The following ARRDC1 variants were observed in gnomAD, a reference collection of about 807,000 sequenced individuals.
ARRDC1 encodes the protein arrestin domain containing 1.
In ARRDC1, 37 loss-of-function variants were observed where a neutral mutation model predicts 40.1. The ratio of observed to expected loss-of-function variants is 0.92; its 90% confidence interval spans 0.71 to 1.21. The LOEUF is 1.21. Ranked by LOEUF, ARRDC1 falls within the 50% of genes most tolerant of loss-of-function variation. The pLI, the probability that ARRDC1 is intolerant of heterozygous loss-of-function variation, is 0.00. For missense variants in ARRDC1, 641 were observed against 581.9 expected (o/e 1.10, Z -1.04); for synonymous variants, 310 against 262.5 (o/e 1.18, Z -1.75).
At chr9:137,613,119 G>A (rs1241273992) in intron 2 of ARRDC1, 113 bp downstream of exon 2, 1 of 903,968 alleles carries the variant, frequency 1.1e-6, no homozygotes, top group South Asian at 1.4e-5. Context: ...TCTGGCACTG[G>A]CCCATCTTGT....
chr9:137,613,537 G>T (rs1216786241), intron 3 of ARRDC1, 27 bp downstream of exon 3: 1 of 1,613,860 alleles, frequency 6.2e-7, no homozygotes, highest in East Asian at 2.2e-5. Flanking sequence ...GACAGGCCTG[G>T]TGATGACCAA....
chr9:137,608,209 C>T (rs1842456609), intron 1 of ARRDC1, among the ~76,000 whole-genome samples: 1 of 152,186 alleles, frequency 6.6e-6, no homozygotes, highest in Non-Finnish European at 1.5e-5. Context: ...TCTGGATCTC[C>T]TGACCTCGTG....
chr9:137,613,007 G>C lies in ARRDC1; in HGVS notation c.229+1G>C. The C allele has an allele frequency of 1.2e-6, 2 of 1,612,022 alleles. No homozygotes were observed. Among genetic ancestry groups the C allele is most frequent in the Non-Finnish European group, 1.7e-6 (2 of 1,178,422 alleles). ...AGTTCCCTGTCGCTGGCAGACAAGG[G>C]TAAGTTTGGGAGCCAGTTCCCGAGT... On this transcript the variant is annotated splice_donor_variant, in intron 2 of 7. Transcript: ENST00000371421. LOFTEE classifies it high-confidence loss of function.
intron 1 of ARRDC1, among the ~76,000 whole-genome samples, chr9:137,610,029 TGATCTC>T (rs959913842): frequency 6.6e-6 from 1 of 151,796 alleles, no homozygotes; most frequent in Non-Finnish European, 1.5e-5. Context: ...TCAGCCAGGA[TGATCTC>T]GATCTCCTGA....
chr9:137,607,230 G>C (rs535592846), intron 1 of ARRDC1, among the ~76,000 whole-genome samples: 1 of 152,348 alleles, frequency 6.6e-6, no homozygotes, highest in African/African-American at 2.4e-5. Context: ...CGGGGCCCCC[G>C]GGGGTTTCCC....
At chr9:137,606,942 A>G (rs1241354973) in intron 1 of ARRDC1, among the ~76,000 whole-genome samples, 2 of 152,076 alleles carry the variant, frequency 1.3e-5, no homozygotes, top group African/African-American at 4.8e-5. Context: ...TACCACAGGG[A>G]AGGGACGGCC....
At chr9:137,610,093 C>T (rs1215268711) in intron 1 of ARRDC1, among the ~76,000 whole-genome samples, 1 of 151,650 alleles carries the variant, frequency 6.6e-6, no homozygotes, top group East Asian at 1.9e-4. Context: ...GGATTACAGG[C>T]TGAGCCACTG....
At position 137,613,471 on chromosome 9, in the gene ARRDC1, G is replaced by A. The variant is rs758383734; in HGVS notation, c.241G>A (p.Ala81Thr). 5 of 1,612,316 alleles carry A rather than the reference G, an allele frequency of 3.1e-6. No homozygotes were observed. Among genetic ancestry groups the A allele is most frequent in the Non-Finnish European group, 4.2e-6 (5 of 1,179,778 alleles). Residue 81 changes from alanine (A) to threonine (T), a missense_variant, in exon 3 of 8, where the codon GCT (alanine) becomes ACT (threonine). Transcript: ENST00000371421. ...LSLADKGSLP[A>T]GEHSFPFQFL... Reference sequence around the variant, plus strand: ...TCCTGTCTCTGCAGGGAGCCTGCCCGCTGGAGAGCACAGCTTCCCCTTCCA... The same window carrying A: ...TCCTGTCTCTGCAGGGAGCCTGCCCACTGGAGAGCACAGCTTCCCCTTCCA...
Position 137,614,574 on chromosome 9 carries a change from C to T in ARRDC1, c.811C>T (p.Pro271Ser), listed in dbSNP as rs762468635. The change falls in exon 7 of 8, where the codon CCG becomes TCG. Residue 271 changes from proline to serine, a missense_variant. Pro to Ser is a moderately conservative substitution (Grantham distance 74). Transcript: ENST00000371421. The stretch of plus-strand genomic sequence containing the variant: ...TCCTGTCCAGGTCTCTCTGAAGGCG[C>T]CGGAAGCTACTGTGACCCTCCCGGT... ...DYYLQVSLKAPEATVTLPVFI... is the reference protein window; with the variant it reads ...DYYLQVSLKASEATVTLPVFI... 6 of 1,612,914 alleles carry T rather than the reference C, an allele frequency of 3.7e-6. No homozygotes were observed. Among genetic ancestry groups the T allele is most frequent in the South Asian group, 2.2e-5 (2 of 91,092 alleles).
intron 2 of ARRDC1, 176 bp downstream of exon 2, chr9:137,613,182 G>T: frequency 1.3e-6 from 1 of 747,728 alleles, no homozygotes; most frequent in Non-Finnish European, 2.3e-6. Flanking sequence ...TGGCTGAAGG[G>T]GCCACCTCCC....
At chr9:137,615,024 C>T (rs754724073) in intron 7 of ARRDC1, 24 bp downstream of exon 7, 1 of 1,612,298 alleles carries the variant, frequency 6.2e-7, no homozygotes, top group Non-Finnish European at 8.5e-7. Context: ...CAGGGCTTGG[C>T]AGGGAGGGGA....
rs1410459202 is a variant in ARRDC1 at position 137,613,008 on chromosome 9, TAA to T, written c.229+3_229+4del. The T allele has an allele frequency of 6.2e-7, 1 of 1,611,554 alleles. No individual in the cohort carries two copies. The highest frequency in any genetic ancestry group is 1.3e-5 in the African/African-American group (1 of 74,862). On this transcript the variant is annotated splice_donor_region_variant and intron_variant, in intron 2 of 7. Transcript: ENST00000371421. ...GTTCCCTGTCGCTGGCAGACAAGGG[TAA>T]GTTTGGGAGCCAGTTCCCGAGTGGT...
In ARRDC1 at chr9:137,605,725, G is replaced by T. The variant is rs750001196; in HGVS notation, c.8G>T (p.Arg3Leu). The change falls in exon 1 of 8, where the codon CGA (arginine) becomes CTA (leucine). Residue 3 changes from arginine (R) to leucine (L), a missense_variant. Physicochemically the swap from Arg to Leu is moderately radical, Grantham distance 102 (BLOSUM62 -2). Coordinates refer to ENST00000371421, the MANE Select transcript of ARRDC1 (RefSeq NM_152285.4). Reference sequence around the variant, plus strand: ...GGCCGGTGAGGCCGCGGCATGGGGCGAGTGCAGCTCTTCGAGATCAGCCTG... The same window carrying T: ...GGCCGGTGAGGCCGCGGCATGGGGCTAGTGCAGCTCTTCGAGATCAGCCTG... MG[R>L]VQLFEISLSH... 2.0e-5 allele frequency: 27 copies of T among 1,382,614 alleles called. No homozygotes were observed. The highest frequency in any genetic ancestry group is 2.4e-5 in the Non-Finnish European group (26 of 1,064,804). The allele number at this position is 1,382,614 out of a possible 1,614,324, so 85.6% of individuals were successfully genotyped here. A position where few individuals can be genotyped will look rare whatever the true frequency, so the allele number is the denominator to read the frequency against.
chr9:137,613,652 G>A lies in ARRDC1; in HGVS notation c.318G>A (p.Lys106=), dbSNP rs956062054. Residue 106 remains lysine (K), a synonymous_variant, in exon 4 of 8, where the codon AAG becomes AAA. Transcript: ENST00000371421. ...CGTCCTTTGAGGGTCCTTTCGGGAA[G>A]ATCGTGCACCAGGTGAGGGCCGCCA... ...APTSFEGPFG[K]IVHQVRAAIH... is the part of the protein sequence containing the mutation. 1.9e-6 allele frequency: 3 copies of A among 1,614,196 alleles called. No homozygotes were observed. The highest frequency in any genetic ancestry group is 2.5e-6 in the Non-Finnish European group (3 of 1,180,026).
rs1166573969 is a variant in ARRDC1 at position 137,605,762 on chromosome 9, C to T, written c.45C>T (p.Arg15=). The change falls in exon 1 of 8, where the codon CGC becomes CGT. Residue 15 remains arginine, a synonymous_variant. Coordinates refer to ENST00000371421, the MANE Select transcript of ARRDC1 (RefSeq NM_152285.4). ...QLFEISLSHG[R]VVYSPGEPLA... is the part of the protein sequence containing the mutation. ...TCGAGATCAGCCTGAGCCACGGCCGCGTCGTCTACAGCCCCGGGGAGCCGT... is the reference window on the plus strand; with the variant it reads ...TCGAGATCAGCCTGAGCCACGGCCGTGTCGTCTACAGCCCCGGGGAGCCGT... 1.2e-5 allele frequency: 17 copies of T among 1,369,342 alleles called. No homozygotes were observed. The African/African-American group carries it at 1.7e-4, about 13-fold the overall frequency. The allele number at this position is 1,369,342 out of a possible 1,614,324, so 84.8% of individuals were successfully genotyped here.
intron 1 of ARRDC1, among the ~76,000 whole-genome samples, chr9:137,610,215 TAACAC>T (rs542495581): frequency 1.3e-5 from 2 of 152,156 alleles, no homozygotes; most frequent in African/African-American, 2.4e-5. Context: ...TTAAAACAGT[TAACAC>T]AACCATTTTA....
chr9:137,613,804 C>T (rs1371860278), intron 4 of ARRDC1, 35 bp downstream of exon 4: 1 of 1,610,662 alleles, frequency 6.2e-7, no homozygotes. Flanking sequence ...TGGTGGGTCC[C>T]CACCCTCATG....
chr9:137,613,744 A>T lies in ARRDC1; in HGVS notation c.410A>T (p.Asn137Ile). ...SLVFYILSPL[N>I]LNSIPDIEQP... ...GTGTTCTATATCTTGAGCCCCTTGA[A>T]CCTGAACAGCATCCCAGACATTGAG... Residue 137 changes from asparagine to isoleucine, a missense_variant, in exon 4 of 8, where the codon AAC (asparagine) becomes ATC (isoleucine). Coordinates refer to ENST00000371421, the MANE Select transcript of ARRDC1 (RefSeq NM_152285.4). The T allele has an allele frequency of 6.2e-7, 1 of 1,614,092 alleles. No individual in the cohort carries two copies. The highest frequency in any genetic ancestry group is 8.5e-7 in the Non-Finnish European group (1 of 1,180,014).
chr9:137,606,139 C>G (rs1453266199), intron 1 of ARRDC1, among the ~76,000 whole-genome samples: 1 of 151,748 alleles, frequency 6.6e-6, no homozygotes, highest in Non-Finnish European at 1.5e-5. Flanking sequence ...CGTCCGCGCT[C>G]GCACCTGCTG....
Sources: gnomAD v4.1 joint callset for allele counts (sites outside exome capture counted in the v4.1 genomes callset) on GRCh38, gnomAD v4.1.1 for gene constraint, MANE v1.5 for transcripts, NCBI Gene and HGNC (gene_info 2026-07-23, HGNC 2026-07-21) for gene names.